VWA8: variants seen among roughly 807,000 people sequenced by gnomAD.
VWA8 encodes the protein von Willebrand factor A domain-containing protein 8.
Under a neutral mutation model 241.5 loss-of-function variants are expected in VWA8, and 221 were observed. That is an observed-to-expected ratio of 0.91 (90% CI 0.82 to 1.02). The LOEUF (loss-of-function observed/expected upper bound fraction) is 1.02. Ranked by LOEUF, VWA8 falls within the 50% of genes least tolerant of loss-of-function variation. VWA8 has a pLI of 0.00. For missense variants in VWA8, 2,322 were observed against 2,328.7 expected, an observed-to-expected ratio of 1.00 and a Z score of 0.06; for synonymous variants, 852 against 827.1, an observed-to-expected ratio of 1.03 and a Z score of -0.52.
intron 16 of VWA8, among the ~76,000 whole-genome samples, chr13:41,812,605 T>C (rs1870520293): frequency 6.6e-6 from 1 of 152,148 alleles, no homozygotes; most frequent in Non-Finnish European, 1.5e-5. Context: ...TCTCCGTATG[T>C]CCCAAAGAAG....
chr13:41,916,443 G>C (rs1342377722), intron 2 of VWA8, among the ~76,000 whole-genome samples: 1 of 152,226 alleles, frequency 6.6e-6, no homozygotes, highest in African/African-American at 2.4e-5. Flanking sequence ...TAGCAGACTT[G>C]CTGTTCCAGC....
intron 24 of VWA8, among the ~76,000 whole-genome samples, chr13:41,723,804 G>A (rs1239960487): frequency 6.6e-6 from 1 of 152,144 alleles, no homozygotes; most frequent in South Asian, 2.1e-4. Context: ...ATATGAGTGT[G>A]AAGTTCAGGA....
At chr13:41,784,490 C>T (rs1388874380) in intron 18 of VWA8, among the ~76,000 whole-genome samples, 3 of 151,494 alleles carry the variant, frequency 2.0e-5, no homozygotes, top group African/African-American at 7.3e-5. Context: ...CAGAGAGACC[C>T]TGTCTCTACA....
intron 36 of VWA8, 56 bp from the exon 37 acceptor site, chr13:41,671,203 T>C (rs2045021053): frequency 1.3e-6 from 2 of 1,557,632 alleles, no homozygotes; most frequent in Non-Finnish European, 1.8e-6. Context: ...GCAGGAGGGA[T>C]GACACTGCAC....
intron 35 of VWA8, among the ~76,000 whole-genome samples, chr13:41,678,845 C>T (rs1229579889): frequency 6.6e-6 from 1 of 152,056 alleles, no homozygotes; most frequent in Non-Finnish European, 1.5e-5. Flanking sequence ...GTAATTGTGG[C>T]TACAGATCAC....
intron 2 of VWA8, among the ~76,000 whole-genome samples, chr13:41,925,251 G>T (rs939584136): frequency 1.3e-5 from 2 of 152,160 alleles, no homozygotes; most frequent in African/African-American, 4.8e-5. Flanking sequence ...TGCCTTACAA[G>T]AAATGCTTCA....
chr13:41,881,418 A>G (rs1463007209), intron 9 of VWA8, among the ~76,000 whole-genome samples: 3 of 118,778 alleles, frequency 2.5e-5, no homozygotes, highest in Non-Finnish European at 3.4e-5. Flanking sequence ...CAGGATAAGA[A>G]TTTTTCTTAG....
intron 40 of VWA8, among the ~76,000 whole-genome samples, chr13:41,592,327 G>C (rs1168876318): frequency 1.8e-5 from 2 of 112,152 alleles, no homozygotes; most frequent in Non-Finnish European, 3.5e-5. Flanking sequence ...GGGGTGGGGG[G>C]AGGGGGGAGG....
intron 43 of VWA8, among the ~76,000 whole-genome samples, chr13:41,574,510 C>T (rs573040079): frequency 4.6e-5 from 7 of 152,178 alleles, no homozygotes; most frequent in Non-Finnish European, 8.8e-5. Context: ...AAGCAATCAA[C>T]AGGTTCAGTG....
intron 17 of VWA8, among the ~76,000 whole-genome samples, chr13:41,807,305 T>C (rs926574184): frequency 4.6e-5 from 7 of 151,750 alleles, no homozygotes; most frequent in Admixed American, 6.6e-5. Flanking sequence ...TTCTGAAAAA[T>C]AGAGGAGGAG....
At chr13:41,712,124 G>T (rs1340078733) in intron 26 of VWA8, among the ~76,000 whole-genome samples, 1 of 152,026 alleles carries the variant, frequency 6.6e-6, no homozygotes, top group Admixed American at 6.5e-5. Context: ...ATGAAGAGAG[G>T]TTGGTTGATG....
chr13:41,822,083 T>C (rs1468322746), intron 14 of VWA8, among the ~76,000 whole-genome samples: 5 of 152,180 alleles, frequency 3.3e-5, no homozygotes, highest in East Asian at 1.9e-4. Flanking sequence ...TATCTTGATA[T>C]TGGTGATGGT....
intron 12 of VWA8, among the ~76,000 whole-genome samples, chr13:41,841,784 C>CAAA (rs1166227706): frequency 9.0e-5 from 3 of 33,406 alleles, no homozygotes; most frequent in African/African-American, 1.8e-4. Flanking sequence ...GACTCTGTCT[C>CAAA]AAAAAAAAAA....
chr13:41,594,385 C>T (rs574891442), intron 40 of VWA8, among the ~76,000 whole-genome samples: 1 of 152,232 alleles, frequency 6.6e-6, no homozygotes, highest in East Asian at 1.9e-4. Flanking sequence ...CCACCTCAGC[C>T]TCCCAAAGTG....
chr13:41,924,715 AC>A (rs74397181), intron 2 of VWA8, among the ~76,000 whole-genome samples: 14,227 of 151,984 alleles, frequency 0.094, 839 homozygotes, highest in African/African-American at 0.17. Flanking sequence ...AAAAGTGGAT[AC>A]AGTTCTCCCA....
At chr13:41,759,556 T>G (rs2045724999) in intron 21 of VWA8, among the ~76,000 whole-genome samples, 1 of 151,720 alleles carries the variant, frequency 6.6e-6, no homozygotes, top group South Asian at 2.1e-4. Flanking sequence ...ATTGTGTGTA[T>G]GTGAAGCTGC....
At chr13:41,960,807 C>T (rs755472846) in intron 1 of VWA8, 46 bp downstream of exon 1, 7 of 1,485,162 alleles carry the variant, frequency 4.7e-6, no homozygotes, top group East Asian at 2.8e-5. Context: ...GGACCCGGCA[C>T]GGAGCGCAGG....
intron 37 of VWA8, among the ~76,000 whole-genome samples, chr13:41,615,873 A>C (rs1256869353): frequency 6.6e-6 from 1 of 152,256 alleles, no homozygotes; most frequent in Admixed American, 6.5e-5. Flanking sequence ...CTACTCCACA[A>C]TAAATCAAAG....
At chr13:41,609,804 C>A (rs1256664170) in intron 39 of VWA8, among the ~76,000 whole-genome samples, 1 of 152,176 alleles carries the variant, frequency 6.6e-6, no homozygotes, top group Non-Finnish European at 1.5e-5. Context: ...TTCTCTTTTA[C>A]TTCAACTGAG....
Sources: gnomAD v4.1 joint callset for allele counts (sites outside exome capture counted in the v4.1 genomes callset) on GRCh38, gnomAD v4.1.1 for gene constraint, MANE v1.5 for transcripts, NCBI Gene and HGNC (gene_info 2026-07-23, HGNC 2026-07-21) for gene names.